The following PRR36 variants were observed in gnomAD, a reference collection of about 807,000 sequenced individuals.
PRR36 encodes the protein proline-rich protein 36.
PRR36 carries 30 observed loss-of-function variants against 58.6 expected under a neutral mutation model. That is an observed-to-expected ratio of 0.51 (90% confidence interval 0.38 to 0.69). PRR36 has a LOEUF of 0.69. Among genes scored for constraint, PRR36 ranks in the 30% least tolerant of loss-of-function variants. The pLI is 0.00. For missense variants in PRR36, 1,692 were observed against 1,805.6 expected, an observed-to-expected ratio of 0.94 and a Z score of 1.14; for synonymous variants, 771 against 829.3, an observed-to-expected ratio of 0.93 and a Z score of 1.21.
In PRR36 at chr19:7,870,067, C is replaced by CAA; in HGVS notation, c.3176_3177insTT (p.Pro1060CysfsTer36). The CAA allele has an allele frequency of 6.8e-7, 1 of 1,463,356 alleles. No homozygotes were observed. Among genetic ancestry groups the CAA allele is most frequent in the South Asian group, 1.3e-5 (1 of 75,650 alleles). 90.6% of individuals were successfully genotyped at this position (1,463,356 alleles called of 1,614,324 possible). On this transcript the variant is annotated frameshift_variant, in exon 5 of 6. Coordinates refer to ENST00000618550, the MANE Select transcript of PRR36 (RefSeq NM_001190467.2). LOFTEE classifies it high-confidence loss of function. Reference sequence around the variant, plus strand: ...GAGAGGGAGGGACCTGCAGAAGGGGCGCTGCCAGAACAGGTGGGGCCTGTG... The same window carrying CAA: ...GAGAGGGAGGGACCTGCAGAAGGGGCAAGCTGCCAGAACAGGTGGGGCCTGTG...
At position 7,872,509 on chromosome 19, in the gene PRR36, G is replaced by A. The variant is rs1019296853; in HGVS notation, c.735C>T (p.Ser245=). ...GGGCTGGGGAGGAGAGAGGGGTGGC[G>A]CTGGAGCTCAGGGAGCGCGAGGCCG... ...QRPASRSLSS[S]ATPLSSPARS... is the part of the protein sequence containing the mutation. Residue 245 remains serine, a synonymous_variant, in exon 5 of 6, where the codon AGC becomes AGT. Coordinates refer to ENST00000618550, the MANE Select transcript of PRR36 (RefSeq NM_001190467.2). The surrounding 1 kb of genome is among the most constrained non-coding windows in gnomAD (Gnocchi z 6.1). 6.7e-7 allele frequency: 1 copy of A among 1,499,424 alleles called. No individual in the cohort carries two copies. The highest frequency in any genetic ancestry group is 1.4e-5 in the African/African-American group (1 of 71,410). The allele number at this position is 1,499,424 out of a possible 1,614,324, so 92.9% of individuals were successfully genotyped here.
Position 7,871,828 on chromosome 19 carries a change from T to A in PRR36, c.1416A>T (p.Thr472=), listed in dbSNP as rs185199990. 3.1e-5 allele frequency: 48 copies of A among 1,535,568 alleles called. No homozygotes were observed. The African/African-American group carries it at 5.2e-4, about 17-fold the overall frequency. The change falls in exon 5 of 6, where the codon ACA becomes ACT. Residue 472 remains threonine (T), a synonymous_variant. Coordinates refer to ENST00000618550, the MANE Select transcript of PRR36 (RefSeq NM_001190467.2). ...GGGGAAAAGCCGAATTCCCCAGAGA[T>A]GTTGCCGGAGAAACAGGGCCTTGTA... is the stretch of plus-strand genomic sequence containing the variant. ...SPLQGPVSPA[T]SLGNSAFPLA...
At chr19:7,869,602 G>T in intron 5 of PRR36, 58 bp from the exon 6 acceptor site, 3 of 1,489,066 alleles carry the variant, frequency 2.0e-6, no homozygotes, top group Non-Finnish European at 2.7e-6. Context: ...CCTGCCTCAA[G>T]GTCCCGCCTC....
Position 7,874,137 on chromosome 19 carries a change from G to C in PRR36, c.-8+149C>G, listed in dbSNP as rs1373489797. Reference sequence around the variant, plus strand: ...CCCATCGGCCTCCCCTGGCCTCCCCGAGGGATGCCTGCACCTGCCGGGAGG... The same window carrying C: ...CCCATCGGCCTCCCCTGGCCTCCCCCAGGGATGCCTGCACCTGCCGGGAGG... On this transcript the variant is annotated intron_variant, in intron 1 of 5. Transcript: ENST00000618550. The surrounding 1 kb of genome is among the most constrained non-coding windows in gnomAD (Gnocchi z 6.0). 6.2e-6 allele frequency: 1 copy of C among 161,230 alleles called. No homozygotes were observed. Among genetic ancestry groups the C allele is most frequent in the African/African-American group, 2.4e-5 (1 of 41,766 alleles). The allele number at this position is 161,230 out of a possible 1,614,324, so 10.0% of individuals were successfully genotyped here.
rs1980262069 is a variant in PRR36, at chr19:7,869,377, C to G, written c.3697G>C (p.Gly1233Arg). 6.9e-6 allele frequency: 10 copies of G among 1,456,336 alleles called. No homozygotes were observed. Among genetic ancestry groups the G allele is most frequent in the Non-Finnish European group, 8.1e-6 (9 of 1,113,954 alleles). The allele number at this position is 1,456,336 out of a possible 1,614,324, so 90.2% of individuals were successfully genotyped here. Residue 1233 changes from glycine to arginine, a missense_variant, in exon 6 of 6, where the codon GGG becomes CGG. Transcript: ENST00000618550. ...TGCTTCGGGCTCCGCGAGGACGCCC[C>G]GGCCCCGGCCCCAGCCGCCGCCTTC... Reference protein sequence around the residue: ...GGKAAAGAGAGASSRSPKQAR... With the variant: ...GGKAAAGAGARASSRSPKQAR...
rs1264936678 is a variant in PRR36, at chr19:7,873,587, G to T, written c.103C>A (p.Pro35Thr). ...GCTGCGGGAGTTACTGGGGGAGGGG[G>T]TCGAGGAGAGCCTGGGGGCCTGGGG... ...LTPRPPGSPR[P>T]PPPVTPAALR... is the part of the protein sequence containing the mutation. The change falls in exon 2 of 6, where the codon CCC becomes ACC. Residue 35 changes from proline (P) to threonine (T), a missense_variant. By Grantham distance (38) the Pro-to-Thr change is conservative (BLOSUM62 -1). This residue lies in a region of PRR36 where 975 missense variants were observed against 955.2 expected (regional missense o/e 1.02). Coordinates refer to ENST00000618550, the MANE Select transcript of PRR36 (RefSeq NM_001190467.2). The surrounding 1 kb of genome is among the most constrained non-coding windows in gnomAD (Gnocchi z 5.0). The T allele has an allele frequency of 4.6e-6, 7 of 1,534,126 alleles. No individual in the cohort carries two copies. Among genetic ancestry groups the T allele is most frequent in the Non-Finnish European group, 5.2e-6 (6 of 1,146,448 alleles).
Position 7,869,075 on chromosome 19 carries a change from C to T in PRR36, c.3999G>A (p.Pro1333=). The change falls in exon 6 of 6, where the codon CCG becomes CCA. Residue 1333 remains proline, a synonymous_variant. Coordinates refer to ENST00000618550, the MANE Select transcript of PRR36 (RefSeq NM_001190467.2). ...TSFSPDDVAS[P]QGDWTVVEVE... ...CCTCCACCACGGTCCAGTCACCCTGCGGGGAGGCCACGTCGTCCGGAGAGA... is the reference window on the plus strand; with the variant it reads ...CCTCCACCACGGTCCAGTCACCCTGTGGGGAGGCCACGTCGTCCGGAGAGA... 1 of 1,533,488 alleles carries T rather than the reference C, an allele frequency of 6.5e-7. No homozygotes were observed. Among genetic ancestry groups the T allele is most frequent in the South Asian group, 1.2e-5 (1 of 83,756 alleles). The allele number at this position is 1,533,488 out of a possible 1,614,324, so 95.0% of individuals were successfully genotyped here.
In PRR36 at chr19:7,872,325, G is replaced by C. The variant is rs368452048; in HGVS notation, c.919C>G (p.Pro307Ala). Residue 307 changes from proline (P) to alanine (A), a missense_variant, in exon 5 of 6, where the codon CCC (proline) becomes GCC (alanine). Coordinates refer to ENST00000618550, the MANE Select transcript of PRR36 (RefSeq NM_001190467.2). This position sits in a 1 kb window ranked among gnomAD's most constrained non-coding sequence, Gnocchi z 6.1. ...CTTGCCTTGGTACCCGATGGAGAGG[G>C]TGTGGCCAAAGGAGAGGAAGAAAGC... ...GPLSSSPLAT[P>A]SPSGTKARPV... The C allele has an allele frequency of 2.1e-6, 3 of 1,455,588 alleles. No individual in the cohort carries two copies. Among genetic ancestry groups the C allele is most frequent in the South Asian group, 2.9e-5 (2 of 69,900 alleles). The allele number at this position is 1,455,588 out of a possible 1,614,324, so 90.2% of individuals were successfully genotyped here.
rs1189657758 is a variant in PRR36 at position 7,871,331 on chromosome 19, G to A, written c.1913C>T (p.Ala638Val). ...FLTMSPRQTQ[A>V]SLISPSRPAS... is the part of the protein sequence containing the mutation. ...CGGCCGAGAAGGTGAGATCAAAGAA[G>A]CTTGGGTTTGCCTAGGGGACATTGT... Residue 638 changes from alanine (A) to valine (V), a missense_variant, in exon 5 of 6, where the codon GCT becomes GTT. Physicochemically the swap from Ala to Val is moderately conservative, Grantham distance 64. This residue lies in a region of PRR36 where 975 missense variants were observed against 955.2 expected (regional missense o/e 1.02). Transcript: ENST00000618550. 6.5e-7 allele frequency: 1 copy of A among 1,530,430 alleles called. No individual in the cohort carries two copies. Among genetic ancestry groups the A allele is most frequent in the African/African-American group, 1.4e-5 (1 of 72,858 alleles). The allele number at this position is 1,530,430 out of a possible 1,614,324, so 94.8% of individuals were successfully genotyped here. A position where few individuals can be genotyped will look rare whatever the true frequency, so the allele number is the denominator to read the frequency against.
chr19:7,869,715 C>G lies in PRR36; in HGVS notation c.3529G>C (p.Gly1177Arg). Residue 1177 changes from glycine (G) to arginine (R), a missense_variant and splice_region_variant, in exon 5 of 6, where the codon GGT becomes CGT. Transcript: ENST00000618550. ...AGGCCGGGTCTGGGGTGCCCCTTAC[C>G]TGGGGCTCCGCGGAAAGCCAGCGGC... ...APPLAFRGAP[G>R]APLPWPPATG... 7.4e-7 allele frequency: 1 copy of G among 1,345,622 alleles called. No individual in the cohort carries two copies. The highest frequency in any genetic ancestry group is 9.5e-7 in the Non-Finnish European group (1 of 1,052,786). The allele number at this position is 1,345,622 out of a possible 1,614,324, so 83.4% of individuals were successfully genotyped here.
chr19:7,869,577 G>A (rs1223925265), intron 5 of PRR36, 33 bp from the exon 6 acceptor site: 23 of 1,511,446 alleles, frequency 1.5e-5, no homozygotes, highest in Non-Finnish European at 2.0e-5. Flanking sequence ...GGCCGTGGGG[G>A]TGATAAGCCC....
Position 7,871,591 on chromosome 19 carries a change from G to A in PRR36, c.1653C>T (p.Pro551=), listed in dbSNP as rs1422301701. 3 of 1,535,770 alleles carry A rather than the reference G, an allele frequency of 2.0e-6. No individual in the cohort carries two copies. The highest frequency in any genetic ancestry group is 2.6e-6 in the Non-Finnish European group (3 of 1,146,826). The change falls in exon 5 of 6, where the codon CCC becomes CCT. Residue 551 remains proline (P), a synonymous_variant. Coordinates refer to ENST00000618550, the MANE Select transcript of PRR36 (RefSeq NM_001190467.2). ...GCAGAGGCGGTGAGGCCAAAAGAGA[G>A]GGAGAAACTAGAGGAGGATCCTGCA... ...VSLQDPPLVS[P]SLLASPPLQA... is the part of the protein sequence containing the mutation.
Position 7,872,638 on chromosome 19 carries a change from T to G in PRR36, c.606A>C (p.Thr202=). The stretch of plus-strand genomic sequence containing the variant: ...TGCTCACTGATTTCCGGGGGCCCTC[T>G]GTCGGGGGCCGTGGCCGGGCACTCG... ...PAPSARPRPP[T]EGPRKSVSSA... is the part of the protein sequence containing the mutation. The change falls in exon 5 of 6, where the codon ACA becomes ACC. Residue 202 remains threonine, a synonymous_variant. Transcript: ENST00000618550. This position sits in a 1 kb window ranked among gnomAD's most constrained non-coding sequence, Gnocchi z 6.1. 6.8e-7 allele frequency: 1 copy of G among 1,480,212 alleles called. No homozygotes were observed. The highest frequency in any genetic ancestry group is 2.5e-5 in the East Asian group (1 of 39,244). 91.7% of individuals were successfully genotyped at this position (1,480,212 alleles called of 1,614,324 possible). A position where few individuals can be genotyped will look rare whatever the true frequency, so the allele number is the denominator to read the frequency against.
At position 7,872,350 on chromosome 19, in the gene PRR36, C is replaced by A. The variant is rs1347942660; in HGVS notation, c.894G>T (p.Pro298=). The change falls in exon 5 of 6, where the codon CCG becomes CCT. Residue 298 remains proline, a synonymous_variant. Coordinates refer to ENST00000618550, the MANE Select transcript of PRR36 (RefSeq NM_001190467.2). The surrounding 1 kb of genome is among the most constrained non-coding windows in gnomAD (Gnocchi z 6.1). ...PRKDAAPALG[P]LSSSPLATPS... The stretch of plus-strand genomic sequence containing the variant: ...GTGTGGCCAAAGGAGAGGAAGAAAG[C>A]GGTCCTAGTGCTGGGGCTGCGTCCT... 7.6e-6 allele frequency: 11 copies of A among 1,451,446 alleles called. 1 individual carries two copies. The highest frequency in any genetic ancestry group is 9.9e-6 in the Non-Finnish European group (11 of 1,108,082). 89.9% of individuals were successfully genotyped at this position (1,451,446 alleles called of 1,614,324 possible).
chr19:7,868,820 G>T lies in PRR36; in HGVS notation c.*213C>A. 1 of 534,192 alleles carries T rather than the reference G, an allele frequency of 1.9e-6. No homozygotes were observed. Among genetic ancestry groups the T allele is most frequent in the African/African-American group, 2.0e-5 (1 of 50,508 alleles). 33.1% of individuals were successfully genotyped at this position (534,192 alleles called of 1,614,324 possible). A position where few individuals can be genotyped will look rare whatever the true frequency, so the allele number is the denominator to read the frequency against. ...CTCGGGGAAACGGGGCGTGTCCTAGGCCAAAGGGGCGGAGCTCGAGGGGCG... is the reference window on the plus strand; with the variant it reads ...CTCGGGGAAACGGGGCGTGTCCTAGTCCAAAGGGGCGGAGCTCGAGGGGCG... On this transcript the variant is annotated 3_prime_UTR_variant, in exon 6 of 6. Transcript: ENST00000618550.
chr19:7,871,359 G>A lies in PRR36; in HGVS notation c.1885C>T (p.Leu629=), dbSNP rs1391892314. Residue 629 remains leucine (L), a synonymous_variant, in exon 5 of 6, where the codon CTG becomes TTG. Coordinates refer to ENST00000618550, the MANE Select transcript of PRR36 (RefSeq NM_001190467.2). ...SPTLQATHSF[L]TMSPRQTQAS... ...TGGGTTTGCCTAGGGGACATTGTCA[G>A]GAAAGAATGTGTGGCCTGCAGAGTG... 1.3e-6 allele frequency: 2 copies of A among 1,531,830 alleles called. No individual in the cohort carries two copies. Among genetic ancestry groups the A allele is most frequent in the Admixed American group, 3.9e-5 (2 of 50,642 alleles). The allele number at this position is 1,531,830 out of a possible 1,614,324, so 94.9% of individuals were successfully genotyped here.
Position 7,870,617 on chromosome 19 carries a change from T to C in PRR36, c.2627A>G (p.Asn876Ser). Residue 876 changes from asparagine to serine, a missense_variant, in exon 5 of 6, where the codon AAT becomes AGT. Asn to Ser is a conservative substitution (Grantham distance 46). Coordinates refer to ENST00000618550, the MANE Select transcript of PRR36 (RefSeq NM_001190467.2). ...PLATPSPQAP[N>S]ALAVHLLQAP... ...CTGCAGAAGGTGCACTGCCAGAGCATTTGGGGCCTGTGGAGAGGGTGTGGC... is the reference window on the plus strand; with the variant it reads ...CTGCAGAAGGTGCACTGCCAGAGCACTTGGGGCCTGTGGAGAGGGTGTGGC... 1.0e-6 allele frequency: 1 copy of C among 998,952 alleles called. No homozygotes were observed. Among genetic ancestry groups the C allele is most frequent in the Non-Finnish European group, 1.2e-6 (1 of 847,642 alleles). 61.9% of individuals were successfully genotyped at this position (998,952 alleles called of 1,614,324 possible). A position where few individuals can be genotyped will look rare whatever the true frequency, so the allele number is the denominator to read the frequency against.
Position 7,869,503 on chromosome 19 carries a change from C to T in PRR36, c.3571G>A (p.Ala1191Thr). The stretch of plus-strand genomic sequence containing the variant: ...TCGTAGATGGTGCACAGACCGTCAG[C>T]AGAGCCCGGTCCGGTAGCGGGAGGC... ...PWPPATGPGS[A>T]DGLCTIYETE... The change falls in exon 6 of 6, where the codon GCT becomes ACT. Residue 1191 changes from alanine (A) to threonine (T), a missense_variant. Ala to Thr is a moderately conservative substitution (Grantham distance 58). This residue lies in a region of PRR36 where 485 missense variants were observed against 549.2 expected (regional missense o/e 0.88). Coordinates refer to ENST00000618550, the MANE Select transcript of PRR36 (RefSeq NM_001190467.2). The T allele has an allele frequency of 2.0e-6, 3 of 1,520,390 alleles. No homozygotes were observed. The highest frequency in any genetic ancestry group is 5.2e-5 in the East Asian group (2 of 38,268). The allele number at this position is 1,520,390 out of a possible 1,614,324, so 94.2% of individuals were successfully genotyped here.
rs768539549 is a variant in PRR36, at chr19:7,871,794, G to C, written c.1450C>G (p.Leu484Val). 3.3e-6 allele frequency: 5 copies of C among 1,535,768 alleles called. 1 individual carries two copies. The South Asian group carries it at 4.8e-5, about 15-fold the overall frequency. ...AGAGCAGAAAGGCCTGGCTGAGGGA[G>C]TGCGGCCAGGGGAAAAGCCGAATTC... is the stretch of plus-strand genomic sequence containing the variant. ...LGNSAFPLAALPQPGLSALTT... is the reference protein window; with the variant it reads ...LGNSAFPLAAVPQPGLSALTT... The change falls in exon 5 of 6, where the codon CTC becomes GTC. Residue 484 changes from leucine (L) to valine (V), a missense_variant. Coordinates refer to ENST00000618550, the MANE Select transcript of PRR36 (RefSeq NM_001190467.2).
Sources: allele counts gnomAD v4.1 joint callset, GRCh38; gene constraint gnomAD v4.1.1; regional missense constraint gnomAD v4.1.1; non-coding constraint Gnocchi (gnomAD v3.1); transcripts MANE v1.5; gene names NCBI Gene and HGNC (gene_info 2026-07-23, HGNC 2026-07-21).